The following CDKAL1 variants were observed in gnomAD, a reference collection of about 807,000 sequenced individuals.
CDKAL1 encodes the protein threonylcarbamoyladenosine tRNA methylthiotransferase.
CDKAL1 carries 32 observed loss-of-function variants against 68.2 expected under a neutral mutation model. That is an observed-to-expected ratio of 0.47 (90% CI 0.35 to 0.63). CDKAL1 has a LOEUF of 0.63. Ranked by LOEUF, CDKAL1 falls within the 30% of genes least tolerant of loss-of-function variation. CDKAL1 has a pLI of 0.00. For synonymous variants in CDKAL1, 234 were observed against 244.3 expected (o/e 0.96, Z 0.39); for missense variants, 606 against 696.7 (o/e 0.87, Z 1.47).
chr6:20,575,842 C>T (rs559794626), intron 4 of CDKAL1, among the ~76,000 whole-genome samples: 19 of 152,178 alleles, frequency 1.2e-4, no homozygotes, highest in Non-Finnish European at 2.5e-4. Context: ...CATGATGCTT[C>T]GTAAGGAACA....
chr6:21,162,055 A>C (rs772835333), intron 13 of CDKAL1, among the ~76,000 whole-genome samples: 1 of 152,172 alleles, frequency 6.6e-6, no homozygotes, highest in Non-Finnish European at 1.5e-5. Flanking sequence ...ATTTTCTTGA[A>C]ACTGTGTTAG....
chr6:20,786,539 C>A (rs946693722), intron 8 of CDKAL1, among the ~76,000 whole-genome samples: 1 of 146,484 alleles, frequency 6.8e-6, no homozygotes, highest in Non-Finnish European at 1.5e-5. Context: ...GCTCTGTCAC[C>A]CAGGCTGGAG....
chr6:20,989,851 AATAT>A (rs555926640), intron 10 of CDKAL1, among the ~76,000 whole-genome samples: 28 of 151,962 alleles, frequency 1.8e-4, no homozygotes, highest in African/African-American at 6.5e-4. Flanking sequence ...TGAATTTTAA[AATAT>A]ATATATATAG....
At chr6:20,992,031 CTTTTT>C (rs71530401) in intron 10 of CDKAL1, among the ~76,000 whole-genome samples, 1 of 100,476 alleles carries the variant, frequency 1.0e-5, no homozygotes, top group Non-Finnish European at 1.9e-5. Context: ...TTTTTCTTTT[CTTTTT>C]TTTTTTTTTT....
chr6:20,785,314 C>CTTTTT (rs5874783), intron 8 of CDKAL1, among the ~76,000 whole-genome samples: 24 of 96,012 alleles, frequency 2.5e-4, no homozygotes, highest in Non-Finnish European at 3.6e-4. Flanking sequence ...ATTTCTTTTT[C>CTTTTT]TTTTTTTTTT....
At chr6:20,781,496 A>C (rs1440530042) in intron 8 of CDKAL1, among the ~76,000 whole-genome samples, 1 of 151,314 alleles carries the variant, frequency 6.6e-6, no homozygotes, top group African/African-American at 2.5e-5. Flanking sequence ...GGTAATAAAC[A>C]TAATAAACAT....
intron 15 of CDKAL1, among the ~76,000 whole-genome samples, chr6:21,224,339 C>G (rs180868600): frequency 1.3e-5 from 2 of 152,208 alleles, no homozygotes; most frequent in East Asian, 3.9e-4. Flanking sequence ...CCAGCCTGAC[C>G]AATATGGTGA....
intron 5 of CDKAL1, among the ~76,000 whole-genome samples, chr6:20,716,439 A>G (rs1045853199): frequency 1.3e-5 from 2 of 152,150 alleles, no homozygotes; most frequent in Non-Finnish European, 2.9e-5. Flanking sequence ...ACAGCAAGAG[A>G]TGATGTGGCT....
intron 7 of CDKAL1, among the ~76,000 whole-genome samples, chr6:20,777,980 A>G (rs554143925): frequency 6.6e-6 from 1 of 152,268 alleles, no homozygotes; most frequent in Non-Finnish European, 1.5e-5. Context: ...TGTGGAAAGC[A>G]AAACCACAGA....
At chr6:20,806,898 C>T (rs148438179) in intron 8 of CDKAL1, among the ~76,000 whole-genome samples, 34 of 152,182 alleles carry the variant, frequency 2.2e-4, no homozygotes, top group East Asian at 3.9e-4. Context: ...ACAGCTGATA[C>T]GGTAAAAATA....
intron 5 of CDKAL1, among the ~76,000 whole-genome samples, chr6:20,684,076 A>G (rs112214486): frequency 0.015 from 2,278 of 152,280 alleles, 49 homozygotes; most frequent in African/African-American, 0.052. Context: ...TCATTGTCAG[A>G]ATGTACAACA....
intron 4 of CDKAL1, among the ~76,000 whole-genome samples, chr6:20,593,055 G>A (rs981022370): frequency 3.3e-5 from 5 of 152,148 alleles, no homozygotes; most frequent in South Asian, 2.1e-4. Context: ...TTGATGTGCT[G>A]CTGGTTTTGG....
At chr6:20,603,707 A>C (rs937057734) in intron 4 of CDKAL1, among the ~76,000 whole-genome samples, 1 of 148,960 alleles carries the variant, frequency 6.7e-6, no homozygotes, top group African/African-American at 2.5e-5. Flanking sequence ...GTTGCCTACT[A>C]TGTCTGCAGT....
chr6:21,039,382 A>G (rs936992331), intron 11 of CDKAL1, among the ~76,000 whole-genome samples: 1 of 152,228 alleles, frequency 6.6e-6, no homozygotes, highest in Non-Finnish European at 1.5e-5. Flanking sequence ...TATAAGTAGT[A>G]TAAACTTAAC....
intron 3 of CDKAL1, among the ~76,000 whole-genome samples, chr6:20,546,744 G>T (rs1258442882): frequency 3.3e-5 from 5 of 152,086 alleles, no homozygotes; most frequent in Middle Eastern, 3.4e-3. Context: ...AGTAGAGATG[G>T]GGTTTCACCA....
chr6:21,150,072 T>A (rs1019335698), intron 13 of CDKAL1, among the ~76,000 whole-genome samples: 16 of 151,788 alleles, frequency 1.1e-4, no homozygotes, highest in Admixed American at 3.3e-4. Flanking sequence ...GTTAGCCAGG[T>A]TGGTCTCGAT....
chr6:20,893,861 G>A (rs1761538659), intron 9 of CDKAL1, among the ~76,000 whole-genome samples: 1 of 152,136 alleles, frequency 6.6e-6, no homozygotes, highest in Non-Finnish European at 1.5e-5. Flanking sequence ...TGATGATGAT[G>A]ATGATCATGA....
intron 2 of CDKAL1, among the ~76,000 whole-genome samples, chr6:20,538,439 C>A (rs1763263025): frequency 6.6e-6 from 1 of 152,260 alleles, no homozygotes; most frequent in Non-Finnish European, 1.5e-5. Context: ...TATCAATGTA[C>A]AAATCCTTTT....
chr6:21,038,701 C>G (rs1769735825), intron 11 of CDKAL1, among the ~76,000 whole-genome samples: 1 of 152,018 alleles, frequency 6.6e-6, no homozygotes, highest in African/African-American at 2.4e-5. Context: ...TGGGGCTCAT[C>G]AGCTATCATT....
Sources: allele counts gnomAD v4.1 joint callset (sites outside exome capture counted in the v4.1 genomes callset), GRCh38; gene constraint gnomAD v4.1.1; transcripts MANE v1.5; gene names NCBI Gene and HGNC (gene_info 2026-07-23, HGNC 2026-07-21).